The following PRTFDC1 variants were observed in gnomAD, a reference collection of about 807,000 sequenced individuals.
The protein encoded by PRTFDC1 is phosphoribosyltransferase domain-containing protein 1.
Under a neutral mutation model 34.6 loss-of-function variants are expected in PRTFDC1, and 38 were observed. That is an observed-to-expected ratio of 1.10 (90% CI 0.85 to 1.44). PRTFDC1 has a LOEUF of 1.44. Among genes scored for constraint, PRTFDC1 ranks in the 40% most tolerant of loss-of-function variants. The pLI, the probability that PRTFDC1 is intolerant of heterozygous loss-of-function variation, is 0.00. For missense variants in PRTFDC1, 270 were observed against 283.0 expected (o/e 0.95, Z 0.33); for synonymous variants, 93 against 98.1 (o/e 0.95, Z 0.31).
chr10:24,905,938 CTCTA>C (rs1171366886), intron 3 of PRTFDC1, among the ~76,000 whole-genome samples: 4 of 152,176 alleles, frequency 2.6e-5, no homozygotes, highest in Non-Finnish European at 5.9e-5. Context: ...TCCTTCTACT[CTCTA>C]TCTCCATGAG....
chr10:24,899,850 G>A (rs940723827), intron 3 of PRTFDC1, among the ~76,000 whole-genome samples: 4 of 152,184 alleles, frequency 2.6e-5, no homozygotes, highest in South Asian at 2.1e-4. Context: ...GAAGTATTCC[G>A]AGTTGAACAA....
At chr10:24,917,503 C>T (rs958574672) in intron 3 of PRTFDC1, among the ~76,000 whole-genome samples, 1 of 152,160 alleles carries the variant, frequency 6.6e-6, no homozygotes, top group Non-Finnish European at 1.5e-5. Context: ...GAATGTTAAA[C>T]ATAATATTTT....
chr10:24,851,478 G>T lies in PRTFDC1; in HGVS notation c.554-14C>A. On this transcript the variant is annotated splice_polypyrimidine_tract_variant and intron_variant, in intron 7 of 8. Transcript: ENST00000320152. Reference sequence around the variant, plus strand: ...CAAATCCAGCATCTTAGCAGACAGAGAAAGAGAAAAAAAAAAAGGAACAAA... The same window carrying T: ...CAAATCCAGCATCTTAGCAGACAGATAAAGAGAAAAAAAAAAAGGAACAAA... 1.3e-6 allele frequency: 2 copies of T among 1,573,068 alleles called. No individual in the cohort carries two copies. The highest frequency in any genetic ancestry group is 8.6e-7 in the Non-Finnish European group (1 of 1,167,172).
intron 3 of PRTFDC1, among the ~76,000 whole-genome samples, chr10:24,934,760 A>G (rs1297503784): frequency 6.6e-6 from 1 of 152,228 alleles, no homozygotes; most frequent in Non-Finnish European, 1.5e-5. Flanking sequence ...CCTAAAATGT[A>G]TAAAACCAAG....
At chr10:24,858,452 T>C in intron 4 of PRTFDC1, 43 bp from the exon 5 acceptor site, 1 of 1,597,774 alleles carries the variant, frequency 6.3e-7, no homozygotes, top group Non-Finnish European at 8.6e-7. Context: ...GATGCCAATC[T>C]GACTCACAGG....
intron 3 of PRTFDC1, among the ~76,000 whole-genome samples, chr10:24,880,675 T>C (rs1418304025): frequency 1.3e-5 from 2 of 152,220 alleles, no homozygotes; most frequent in Admixed American, 6.5e-5. Flanking sequence ...ATTGATTGGC[T>C]ATCACCTTGG....
intron 1 of PRTFDC1, chr10:24,951,559 A>G (rs1381938890): frequency 2.0e-6 from 2 of 985,316 alleles, no homozygotes; most frequent in Non-Finnish European, 2.4e-6. Flanking sequence ...ACTTTAGTTC[A>G]GGCCATTCAT....
intron 6 of PRTFDC1, among the ~76,000 whole-genome samples, 193 bp from the exon 7 acceptor site, chr10:24,855,557 G>A (rs1847558759): frequency 6.6e-6 from 1 of 152,212 alleles, no homozygotes. Flanking sequence ...GCTTTGGGAG[G>A]ACAAGGTGGG....
chr10:24,909,940 C>T (rs1404943970), intron 3 of PRTFDC1, among the ~76,000 whole-genome samples: 1 of 150,246 alleles, frequency 6.7e-6, no homozygotes, highest in African/African-American at 2.5e-5. Context: ...CGCTTGAGGT[C>T]GGGAGTTTGA....
intron 3 of PRTFDC1, among the ~76,000 whole-genome samples, chr10:24,877,460 G>C (rs1175641985): frequency 6.6e-6 from 1 of 152,180 alleles, no homozygotes; most frequent in East Asian, 1.9e-4. Context: ...TTATAAGTCA[G>C]ATTGGTCCAT....
At chr10:24,860,489 C>A (rs1847661980) in intron 4 of PRTFDC1, among the ~76,000 whole-genome samples, 1 of 152,134 alleles carries the variant, frequency 6.6e-6, no homozygotes, top group African/African-American at 2.4e-5. Flanking sequence ...ACCAAACCAG[C>A]CGACCAACAA....
intron 3 of PRTFDC1, among the ~76,000 whole-genome samples, chr10:24,899,159 G>T (rs1347354779): frequency 1.3e-5 from 2 of 152,188 alleles, no homozygotes; most frequent in Non-Finnish European, 2.9e-5. Context: ...GGGCCATGTG[G>T]ATCTCCTATG....
chr10:24,927,419 T>A (rs548072997), intron 3 of PRTFDC1, among the ~76,000 whole-genome samples: 1 of 152,288 alleles, frequency 6.6e-6, no homozygotes, highest in Non-Finnish European at 1.5e-5. Flanking sequence ...CCAGGCCTAT[T>A]CCTGATGTAC....
intron 4 of PRTFDC1, among the ~76,000 whole-genome samples, chr10:24,859,287 TCC>T (rs1487287777): frequency 6.6e-6 from 1 of 152,068 alleles, no homozygotes; most frequent in African/African-American, 2.4e-5. Flanking sequence ...TGAGACAGGG[TCC>T]CACTCTGTCA....
At chr10:24,927,328 G>T (rs1263578050) in intron 3 of PRTFDC1, among the ~76,000 whole-genome samples, 8 of 152,136 alleles carry the variant, frequency 5.3e-5, no homozygotes, top group Admixed American at 5.2e-4. Flanking sequence ...TCTATCCAGA[G>T]GTCACAGAGA....
At chr10:24,931,491 G>A (rs1255455001) in intron 3 of PRTFDC1, among the ~76,000 whole-genome samples, 1 of 151,896 alleles carries the variant, frequency 6.6e-6, no homozygotes, top group African/African-American at 2.4e-5. Flanking sequence ...AGGCATACTG[G>A]TGAAGAAAAG....
At chr10:24,880,618 A>C (rs940332827) in intron 3 of PRTFDC1, among the ~76,000 whole-genome samples, 21 of 152,186 alleles carry the variant, frequency 1.4e-4, no homozygotes, top group African/African-American at 5.1e-4. Flanking sequence ...GACTGACCCC[A>C]TGAGGCATAT....
At chr10:24,911,913 T>C (rs538770630) in intron 3 of PRTFDC1, among the ~76,000 whole-genome samples, 1 of 151,890 alleles carries the variant, frequency 6.6e-6, no homozygotes, top group Non-Finnish European at 1.5e-5. Context: ...TTTCATTTCA[T>C]TTGGATAAAT....
At chr10:24,951,753 G>A (rs1399337540) in intron 1 of PRTFDC1, 1 of 275,328 alleles carries the variant, frequency 3.6e-6, no homozygotes, top group Non-Finnish European at 5.5e-6. Flanking sequence ...GTCAAGAACG[G>A]GTTGGATCCT....
Sources: allele counts gnomAD v4.1 joint callset (sites outside exome capture counted in the v4.1 genomes callset), GRCh38; gene constraint gnomAD v4.1.1; transcripts MANE v1.5; gene names NCBI Gene and HGNC (gene_info 2026-07-23, HGNC 2026-07-21).